Variants in GRK5 observed in about 807,000 individuals in gnomAD.
GRK5 encodes the protein g protein-coupled receptor kinase GRK5.
A neutral mutation model predicts 78.4 loss-of-function variants in GRK5; 40 were observed. The observed-to-expected ratio is 0.51, with a 90% confidence interval of 0.40 to 0.66. GRK5 has a LOEUF of 0.66. GRK5 is among the 30% of genes least tolerant of loss of function. The pLI is 0.00. For missense variants in GRK5, 598 were observed against 759.9 expected (o/e 0.79, Z 2.50); for synonymous variants, 289 against 296.8 (o/e 0.97, Z 0.27).
At chr10:119,356,261 C>A (rs544258030) in intron 2 of GRK5, among the ~76,000 whole-genome samples, 16 of 152,198 alleles carry the variant, frequency 1.1e-4, no homozygotes, top group Non-Finnish European at 2.2e-4. Flanking sequence ...AAAACAAATT[C>A]TCAGGGTGTG....
At chr10:119,337,508 G>T (rs1850910856) in intron 2 of GRK5, among the ~76,000 whole-genome samples, 1 of 152,120 alleles carries the variant, frequency 6.6e-6, no homozygotes, top group Non-Finnish European at 1.5e-5. Context: ...CTGTGGGTTT[G>T]CTGTCATTAT....
chr10:119,443,972 AC>A (rs894406307), intron 12 of GRK5, among the ~76,000 whole-genome samples: 1 of 151,956 alleles, frequency 6.6e-6, no homozygotes, highest in Non-Finnish European at 1.5e-5. Context: ...GGGCAGGGAC[AC>A]CCAGGAACCA....
chr10:119,452,484 C>G lies in GRK5; in HGVS notation c.1405-187C>G. 1.7e-6 allele frequency: 1 copy of G among 605,912 alleles called. No homozygotes were observed. The allele number at this position is 605,912 out of a possible 1,614,324, so 37.5% of individuals were successfully genotyped here. A position where few individuals can be genotyped will look rare whatever the true frequency, so the allele number is the denominator to read the frequency against. ...GTGGACAGGAAGCCCAGCCAAGCCA[C>G]TGGGGCCGACCCCTCCCCTGGACTC... is the stretch of plus-strand genomic sequence containing the variant. On this transcript the variant is annotated intron_variant, in intron 13 of 15. Coordinates refer to ENST00000392870, the MANE Select transcript of GRK5 (RefSeq NM_005308.3). The surrounding 1 kb of genome is among the most constrained non-coding windows in gnomAD (Gnocchi z 4.4).
rs1332657350 is a variant in GRK5 at position 119,376,369 on chromosome 10, C to T, written c.149-4446C>T. On this transcript the variant is annotated intron_variant, in intron 2 of 15. Transcript: ENST00000392870. ...ATGTGTCCCTTCCCACTGACCCACC[C>T]ACATATCCCCACGTGTTGAGTTCAA... is the stretch of plus-strand genomic sequence containing the variant. Among the ~76,000 whole-genome samples the T allele has an allele frequency of 2.0e-5, 3 of 152,282 alleles. No homozygotes were observed. The East Asian group carries it at 5.8e-4, about 29-fold the overall frequency.
intron 2 of GRK5, among the ~76,000 whole-genome samples, chr10:119,352,032 C>A (rs1851193528): frequency 6.6e-6 from 1 of 152,152 alleles, no homozygotes; most frequent in African/African-American, 2.4e-5. Context: ...GGGGAGGTGG[C>A]CTCAACTGAG....
intron 1 of GRK5, among the ~76,000 whole-genome samples, chr10:119,320,723 C>T (rs1850570027): frequency 6.6e-6 from 1 of 152,230 alleles, no homozygotes; most frequent in Non-Finnish European, 1.5e-5. Flanking sequence ...GGAAATAAAG[C>T]TTAGGAAGAC....
intron 4 of GRK5, among the ~76,000 whole-genome samples, chr10:119,418,516 C>T (rs1342085645): frequency 6.6e-6 from 1 of 152,176 alleles, no homozygotes; most frequent in Non-Finnish European, 1.5e-5. Context: ...TCAGCTGTCC[C>T]AGAGAGATGA....
chr10:119,239,029 CCT>C (rs1848977769), intron 1 of GRK5, among the ~76,000 whole-genome samples: 1 of 151,998 alleles, frequency 6.6e-6, no homozygotes, highest in Non-Finnish European at 1.5e-5. Context: ...ACATGTGCAA[CCT>C]TCAGAGCCTG....
At chr10:119,394,312 ACGTGGG>A in intron 3 of GRK5, among the ~76,000 whole-genome samples, 1 of 2,792 alleles carries the variant, frequency 3.6e-4, no homozygotes, top group Non-Finnish European at 7.5e-4. Context: ...CTGTGTGGGC[ACGTGGG>A]TGTGTGTATC....
intron 1 of GRK5, among the ~76,000 whole-genome samples, chr10:119,284,230 A>G (rs1849810897): frequency 6.6e-6 from 1 of 152,216 alleles, no homozygotes; most frequent in African/African-American, 2.4e-5. Context: ...GAAAAGTAAA[A>G]GAGGAACAAC....
At chr10:119,245,789 G>A (rs1304106796) in intron 1 of GRK5, among the ~76,000 whole-genome samples, 2 of 151,890 alleles carry the variant, frequency 1.3e-5, no homozygotes, top group African/African-American at 4.8e-5. Context: ...AGGCCGAGGC[G>A]GGCGGATCAC....
intron 1 of GRK5, among the ~76,000 whole-genome samples, chr10:119,281,595 CA>C (rs1849763960): frequency 6.6e-6 from 1 of 152,132 alleles, no homozygotes; most frequent in African/African-American, 2.4e-5. Flanking sequence ...ATCTTCTTCA[CA>C]GGGAGGGATC....
At position 119,459,182 on chromosome 10, in the gene GRK5, C is replaced by T. The variant is rs1014732426; in HGVS notation, c.*4115C>T. 1.3e-5 allele frequency: 2 copies of T among 152,214 alleles called. No homozygotes were observed. The highest frequency in any genetic ancestry group is 4.8e-5 in the African/African-American group (2 of 41,438). The allele number at this position is 152,214 out of a possible 1,614,324, so 9.4% of individuals were successfully genotyped here. A position where few individuals can be genotyped will look rare whatever the true frequency, so the allele number is the denominator to read the frequency against. On this transcript the variant is annotated 3_prime_UTR_variant, in exon 16 of 16. Transcript: ENST00000392870. The stretch of plus-strand genomic sequence containing the variant: ...TATGAATACAGAGAGCTGCCATCTT[C>T]CTGATCACAATAGACCACGATTGCA...
At chr10:119,276,632 G>C (rs932717492) in intron 1 of GRK5, among the ~76,000 whole-genome samples, 1 of 151,996 alleles carries the variant, frequency 6.6e-6, no homozygotes, top group African/African-American at 2.4e-5. Context: ...GGGATGGCTG[G>C]GTCAAATGGT....
At chr10:119,364,484 T>C (rs891773876) in intron 2 of GRK5, among the ~76,000 whole-genome samples, 9 of 152,160 alleles carry the variant, frequency 5.9e-5, no homozygotes, top group Non-Finnish European at 1.3e-4. Flanking sequence ...CCATATACTT[T>C]CTGAATTTGG....
chr10:119,412,871 A>T lies in GRK5; in HGVS notation c.340-10295A>T, dbSNP rs1217257233. Among the ~76,000 whole-genome samples the T allele has an allele frequency of 6.6e-6, 1 of 151,764 alleles. No homozygotes were observed. Among genetic ancestry groups the T allele is most frequent in the Non-Finnish European group, 1.5e-5 (1 of 67,968 alleles). ...CCACCCTCTGCTTTCCCCACCCCAG[A>T]CCCCGTCGCTGCAGCTGGGTGAGCA... On this transcript the variant is annotated intron_variant, in intron 4 of 15. Coordinates refer to ENST00000392870, the MANE Select transcript of GRK5 (RefSeq NM_005308.3). The surrounding 1 kb of genome is among the most constrained non-coding windows in gnomAD (Gnocchi z 4.3).
intron 13 of GRK5, among the ~76,000 whole-genome samples, chr10:119,449,750 C>T (rs1853237851): frequency 6.6e-6 from 1 of 152,210 alleles, no homozygotes; most frequent in Non-Finnish European, 1.5e-5. Context: ...GATTGTACCA[C>T]TGCACTCCAG....
At chr10:119,425,129 C>T (rs762686435) in intron 6 of GRK5, 44 bp downstream of exon 6, 1 of 1,344,508 alleles carries the variant, frequency 7.4e-7, no homozygotes, top group Non-Finnish European at 1.1e-6. Context: ...GCAGAGGGTA[C>T]ACATTTTTCA....
chr10:119,316,619 A>T (rs1411320556), intron 1 of GRK5, among the ~76,000 whole-genome samples: 3 of 152,136 alleles, frequency 2.0e-5, no homozygotes, highest in African/African-American at 7.2e-5. Context: ...CTACACTGAC[A>T]ATTACAGTTC....
Sources: gnomAD v4.1 joint callset for allele counts (sites outside exome capture counted in the v4.1 genomes callset) on GRCh38, gnomAD v4.1.1 for gene constraint, Gnocchi (gnomAD v3.1) non-coding constraint, MANE v1.5 for transcripts, NCBI Gene and HGNC (gene_info 2026-07-23, HGNC 2026-07-21) for gene names.